MSRB3: variants seen among roughly 807,000 people sequenced by gnomAD.
MSRB3 encodes the protein methionine-R-sulfoxide reductase B3.
A neutral mutation model predicts 21.0 loss-of-function variants in MSRB3; 13 were observed. The observed-to-expected ratio is 0.62, with a 90% CI of 0.40 to 0.98. The LOEUF (loss-of-function observed/expected upper bound fraction) is 0.98. Ranked by LOEUF, MSRB3 falls within the 50% of genes least tolerant of loss-of-function variation. The pLI, the probability that MSRB3 is intolerant of heterozygous loss-of-function variation, is 0.00. For missense variants in MSRB3, 199 were observed against 230.3 expected, an observed-to-expected ratio of 0.86 and a Z score of 0.88; for synonymous variants, 87 against 88.6, an observed-to-expected ratio of 0.98 and a Z score of 0.10.
chr12:65,403,848 G>T (rs1390146360), intron 5 of MSRB3, among the ~76,000 whole-genome samples: 2 of 152,146 alleles, frequency 1.3e-5, no homozygotes, highest in African/African-American at 4.8e-5. Context: ...GCTTCCCTTG[G>T]CTAGGGGAGG....
intron 1 of MSRB3, chr12:65,306,830 A>G (rs1873680985): frequency 1.0e-6 from 1 of 985,614 alleles, no homozygotes. Flanking sequence ...TTTTAATTGT[A>G]GAATGCATCT....
At chr12:65,297,098 C>A (rs1185483261) in intron 1 of MSRB3, among the ~76,000 whole-genome samples, 1 of 152,122 alleles carries the variant, frequency 6.6e-6, no homozygotes, top group African/African-American at 2.4e-5. Context: ...AAGCCATTAT[C>A]CTCAGCAAAC....
intron 6 of MSRB3, chr12:65,454,201 T>TGGCATGAA: frequency 2.2e-6 from 1 of 460,876 alleles, no homozygotes; most frequent in Non-Finnish European, 4.0e-6. Flanking sequence ...AGCAGGAGAA[T>TGGCATGAA]CACTGGAGCC....
At chr12:65,290,301 A>G (rs1872602248) in intron 1 of MSRB3, among the ~76,000 whole-genome samples, 2 of 152,308 alleles carry the variant, frequency 1.3e-5, no homozygotes, top group African/African-American at 4.8e-5. Context: ...GTGTTCAGTA[A>G]TTTGTATGAC....
chr12:65,337,849 T>A (rs554533909), intron 4 of MSRB3, among the ~76,000 whole-genome samples: 7 of 152,344 alleles, frequency 4.6e-5, no homozygotes, highest in African/African-American at 1.7e-4. Context: ...GTGTGGATTT[T>A]AAATTCTCCA....
chr12:65,383,958 T>C (rs1395659704), intron 5 of MSRB3, among the ~76,000 whole-genome samples: 1 of 152,184 alleles, frequency 6.6e-6, no homozygotes, highest in Non-Finnish European at 1.5e-5. Flanking sequence ...TGCCCCCGGC[T>C]GAATTATTTT....
At chr12:65,447,760 G>A (rs1392832244) in intron 5 of MSRB3, among the ~76,000 whole-genome samples, 1 of 152,138 alleles carries the variant, frequency 6.6e-6, no homozygotes, top group East Asian at 1.9e-4. Flanking sequence ...AGCCAATATA[G>A]AAAACAAGGT....
At chr12:65,330,514 C>T (rs577007517) in intron 4 of MSRB3, among the ~76,000 whole-genome samples, 134 of 152,200 alleles carry the variant, frequency 8.8e-4, no homozygotes, top group African/African-American at 3.0e-3. Flanking sequence ...GCTCATTGGT[C>T]TAGTGCCAAC....
At chr12:65,371,078 A>G (rs1406652576) in intron 5 of MSRB3, among the ~76,000 whole-genome samples, 1 of 152,206 alleles carries the variant, frequency 6.6e-6, no homozygotes, top group Non-Finnish European at 1.5e-5. Context: ...CTGTAATCCC[A>G]GCACTTTGGG....
chr12:65,341,242 G>A (rs1876119135), intron 4 of MSRB3, among the ~76,000 whole-genome samples: 2 of 152,070 alleles, frequency 1.3e-5, no homozygotes, highest in Admixed American at 1.3e-4. Flanking sequence ...ATGAGATTCA[G>A]TTATTTGCAA....
intron 2 of MSRB3, among the ~76,000 whole-genome samples, chr12:65,316,852 C>T (rs1369795539): frequency 2.6e-5 from 4 of 151,942 alleles, no homozygotes; most frequent in Non-Finnish European, 5.9e-5. Flanking sequence ...ACTGGATTCT[C>T]GGAATAGGAT....
At chr12:65,452,471 GA>G (rs1255221431) in intron 5 of MSRB3, among the ~76,000 whole-genome samples, 1 of 152,060 alleles carries the variant, frequency 6.6e-6, no homozygotes, top group Non-Finnish European at 1.5e-5. Context: ...AAAATGGGAA[GA>G]AATTCATTTT....
chr12:65,420,065 G>C (rs1460502528), intron 5 of MSRB3: 1 of 505,872 alleles, frequency 2.0e-6, no homozygotes, highest in East Asian at 5.3e-5. Context: ...CTCAGGCTTT[G>C]CTGATAACCT....
At chr12:65,396,242 T>C (rs1008549085) in intron 5 of MSRB3, among the ~76,000 whole-genome samples, 1 of 152,248 alleles carries the variant, frequency 6.6e-6, no homozygotes, top group Non-Finnish European at 1.5e-5. Flanking sequence ...TTCTCTTGCA[T>C]TTTCTTCTTT....
chr12:65,391,339 A>G (rs1450538826), intron 5 of MSRB3, among the ~76,000 whole-genome samples: 4 of 152,232 alleles, frequency 2.6e-5, no homozygotes, highest in African/African-American at 7.2e-5. Flanking sequence ...TTTAGTTAAA[A>G]GTAAAGATGA....
intron 1 of MSRB3, among the ~76,000 whole-genome samples, chr12:65,301,343 G>C (rs1193212135): frequency 6.6e-6 from 1 of 152,188 alleles, no homozygotes; most frequent in African/African-American, 2.4e-5. Flanking sequence ...TTGGATCAAA[G>C]TTGGTGCTAG....
At chr12:65,298,089 G>C (rs1042969107) in intron 1 of MSRB3, among the ~76,000 whole-genome samples, 6 of 151,584 alleles carry the variant, frequency 4.0e-5, no homozygotes, top group Non-Finnish European at 4.4e-5. Context: ...CTGCAGCCTT[G>C]ATCTCCTGGG....
At chr12:65,380,705 C>T (rs753596964) in intron 5 of MSRB3, among the ~76,000 whole-genome samples, 3 of 152,126 alleles carry the variant, frequency 2.0e-5, no homozygotes, top group African/African-American at 4.8e-5. Context: ...TATTTATTAA[C>T]TCATCTAATT....
At chr12:65,357,933 A>G (rs1268691473) in intron 4 of MSRB3, among the ~76,000 whole-genome samples, 1 of 151,894 alleles carries the variant, frequency 6.6e-6, no homozygotes, top group Non-Finnish European at 1.5e-5. Context: ...CTGTAAACAT[A>G]CTTTTTTCCC....
Sources: allele counts gnomAD v4.1 joint callset (sites outside exome capture counted in the v4.1 genomes callset), GRCh38; gene constraint gnomAD v4.1.1; transcripts MANE v1.5; gene names NCBI Gene and HGNC (gene_info 2026-07-23, HGNC 2026-07-21).